Variants in MFSD12 observed in about 807,000 individuals in gnomAD.
The protein encoded by MFSD12 is major facilitator superfamily domain containing 12, also known as major facilitator superfamily domain-containing protein 12.
Under a neutral mutation model 51.2 loss-of-function variants are expected in MFSD12, and 67 were observed. That is an observed-to-expected ratio of 1.31 (90% confidence interval 1.08 to 1.60). MFSD12 has a LOEUF of 1.60. Ranked by LOEUF, MFSD12 falls within the 40% of genes most tolerant of loss-of-function variation. The pLI is 0.00. For synonymous variants in MFSD12, 441 were observed against 316.7 expected, an observed-to-expected ratio of 1.39 and a Z score of -4.17; for missense variants, 921 against 673.0, an observed-to-expected ratio of 1.37 and a Z score of -4.08.
At chr19:3,543,152 C>T (rs571440414), downstream of MFSD12, 81 of 1,513,980 alleles carry the variant, frequency 5.4e-5, no homozygotes, top group African/African-American at 9.3e-4. Flanking sequence ...GCCTCTACAT[C>T]ATCCACCCTG....
In MFSD12 at chr19:3,544,596, G is replaced by A. The variant is rs2030783365; in HGVS notation, c.*114C>T. 3 of 1,484,198 alleles carry A rather than the reference G, an allele frequency of 2.0e-6. No homozygotes were observed. The highest frequency in any genetic ancestry group is 1.4e-5 in the African/African-American group (1 of 71,366). The allele number at this position is 1,484,198 out of a possible 1,614,324, so 91.9% of individuals were successfully genotyped here. ...CCCCCGGGAGCTGGGTGAGGATGGA[G>A]GGTGGGGGTCCAGAGAAGAGTGAGG... On this transcript the variant is annotated 3_prime_UTR_variant, in exon 10 of 10. Coordinates refer to ENST00000355415, the MANE Select transcript of MFSD12 (RefSeq NM_174983.5).
intron 8 of MFSD12, among the ~76,000 whole-genome samples, chr19:3,545,407 C>T (rs1247775069): frequency 2.6e-5 from 4 of 151,070 alleles, no homozygotes. Context: ...CCCCTCCTCC[C>T]TCTACTCCAG....
chr19:3,543,451 C>A, downstream of MFSD12: 1 of 1,543,128 alleles, frequency 6.5e-7, no homozygotes, highest in South Asian at 1.2e-5. Flanking sequence ...GCTACCAACA[C>A]CGTGAGTGCA....
intron 1 of MFSD12, among the ~76,000 whole-genome samples, chr19:3,553,377 G>A (rs956905128): frequency 2.0e-5 from 3 of 151,892 alleles, no homozygotes; most frequent in African/African-American, 7.3e-5. Flanking sequence ...GGAGGCTGAG[G>A]TGGGAGGACT....
chr19:3,540,924 A>G (rs982899884), downstream of MFSD12, among the ~76,000 whole-genome samples: 3 of 147,092 alleles, frequency 2.0e-5, no homozygotes, highest in African/African-American at 7.3e-5. Context: ...TAATCCCCAC[A>G]TTTTGGGAGG....
At chr19:3,547,089 C>T (rs1214787408) in intron 6 of MFSD12, among the ~76,000 whole-genome samples, 183 bp downstream of exon 6, 2 of 152,204 alleles carry the variant, frequency 1.3e-5, no homozygotes, top group Non-Finnish European at 1.5e-5. Flanking sequence ...CCGCCCGCCT[C>T]GGCCTCCCAA....
At chr19:3,546,481 G>A (rs577499780) in intron 6 of MFSD12, 56 bp from the exon 7 acceptor site, 52 of 1,530,518 alleles carry the variant, frequency 3.4e-5, no homozygotes, top group Admixed American at 2.6e-4. Context: ...CAAGCCTGGC[G>A]CTTCAATCCG....
rs892644789 is a variant in MFSD12 at position 3,557,435 on chromosome 19, G to A, written c.-32C>T. 2 of 1,192,312 alleles carry A rather than the reference G, an allele frequency of 1.7e-6. No individual in the cohort carries two copies. Among genetic ancestry groups the A allele is most frequent in the African/African-American group, 1.6e-5 (1 of 61,740 alleles). The allele number at this position is 1,192,312 out of a possible 1,614,324, so 73.9% of individuals were successfully genotyped here. ...GCCGGGCCCGCGCCCCCCACCCCCG[G>A]GCTCCGCGGAGGGTACCCTGGCCAG... is the stretch of plus-strand genomic sequence containing the variant. On this transcript the variant is annotated 5_prime_UTR_variant, in exon 1 of 10. Transcript: ENST00000355415.
chr19:3,539,025 G>C (rs1421787670), intron 4 of MFSD12: 1 of 636,516 alleles, frequency 1.6e-6, no homozygotes, highest in African/African-American at 1.8e-5. Flanking sequence ...TAAATACTCA[G>C]AACGACTCTC....
chr19:3,556,533 GGACAGATGGGGGAGGCACTGCACAGTCA>G (rs1394667820), intron 1 of MFSD12, among the ~76,000 whole-genome samples: 31 of 151,364 alleles, frequency 2.0e-4, no homozygotes, highest in African/African-American at 6.1e-4. Flanking sequence ...CTGCACAGTT[GGACAGATGGGGGAGGCACTGCACAGTCA>G]GACAGATGGG....
intron 2 of MFSD12, among the ~76,000 whole-genome samples, chr19:3,549,002 C>T (rs1258127966): frequency 6.6e-6 from 1 of 152,166 alleles, no homozygotes; most frequent in East Asian, 1.9e-4. Flanking sequence ...CTGTGAGGAC[C>T]CTGGCTTTGG....
intron 6 of MFSD12, 118 bp downstream of exon 6, chr19:3,547,154 A>G: frequency 6.6e-6 from 6 of 902,466 alleles, no homozygotes; most frequent in Non-Finnish European, 1.1e-5. Context: ...TGGGGCTTCT[A>G]CAAGGCGGGA....
Position 3,557,398 on chromosome 19 carries a change from G to A in MFSD12, c.6C>T (p.Gly2=). Residue 2 remains glycine, a synonymous_variant, in exon 1 of 10, where the codon GGC becomes GGT. Transcript: ENST00000355415. ...CCGCTCCGGCCGCTGGGGGTCCCGGGCCCATCGCGGCGCCGGGCCCGCGCC... is the reference window on the plus strand; with the variant it reads ...CCGCTCCGGCCGCTGGGGGTCCCGGACCCATCGCGGCGCCGGGCCCGCGCC... M[G]PGPPAAGAAP... 1 of 1,250,566 alleles carries A rather than the reference G, an allele frequency of 8.0e-7. No individual in the cohort carries two copies. The highest frequency in any genetic ancestry group is 3.6e-5 in the South Asian group (1 of 27,772). The allele number at this position is 1,250,566 out of a possible 1,614,324, so 77.5% of individuals were successfully genotyped here.
chr19:3,545,025 G>C (rs759180097), intron 8 of MFSD12, 86 bp from the exon 9 acceptor site: 6 of 1,486,322 alleles, frequency 4.0e-6, no homozygotes, highest in South Asian at 3.9e-5. Context: ...CCTCACCCCC[G>C]ACAGCGGCTC....
chr19:3,544,857 C>T lies in MFSD12; in HGVS notation c.1372G>A (p.Ala458Thr), dbSNP rs1221201468. 4 of 1,612,002 alleles carry T rather than the reference C, an allele frequency of 2.5e-6. No homozygotes were observed. In the South Asian group the frequency reaches 3.3e-5, roughly 13 times the overall value. The change falls in exon 9 of 10, where the codon GCC becomes ACC. Residue 458 changes from alanine (A) to threonine (T), a missense_variant. Physicochemically the swap from Ala to Thr is moderately conservative, Grantham distance 58 (BLOSUM62 0). Transcript: ENST00000355415. ...AVTGGVGVAA[A>T]LCLCSLLLWP... ...AGCAGGAGGCTACAGAGACACAGGG[C>T]AGCGGCCACGCCCACGCCGCCCGTC... is the stretch of plus-strand genomic sequence containing the variant.
chr19:3,543,997 C>G (rs1432346293), downstream of MFSD12: 6 of 1,542,270 alleles, frequency 3.9e-6, no homozygotes, highest in African/African-American at 6.9e-5. Flanking sequence ...TCCCTCACAC[C>G]CACTCCCCGA....
chr19:3,546,372 C>G lies in MFSD12; in HGVS notation c.1077G>C (p.Ala359=), dbSNP rs765055169. 5 of 1,607,946 alleles carry G rather than the reference C, an allele frequency of 3.1e-6. No homozygotes were observed. The highest frequency in any genetic ancestry group is 2.7e-5 in the African/African-American group (2 of 74,890). ...CGGCCACACCCAGTCCCTCCGCCAGCGCCACCCAGGCGGCAAAGGCCAGGA... is the reference window on the plus strand; with the variant it reads ...CGGCCACACCCAGTCCCTCCGCCAGGGCCACCCAGGCGGCAAAGGCCAGGA... ...LVILAFAAWV[A]LAEGLGVAVY... Residue 359 remains alanine (A), a synonymous_variant, in exon 7 of 10, where the codon GCG becomes GCC. Transcript: ENST00000355415.
At chr19:3,539,231 C>T (rs764017711), downstream of MFSD12, 12 of 1,550,690 alleles carry the variant, frequency 7.7e-6, no homozygotes, top group East Asian at 4.9e-5. Context: ...CGGGGACCCT[C>T]GAGGCCAGCT....
exon 5 of MFSD12, chr19:3,538,509 G>A (rs1044346661): frequency 1.1e-5 from 4 of 367,784 alleles, no homozygotes; most frequent in South Asian, 2.0e-5. Context: ...GGTCTGTCCT[G>A]GACATTTCAT....
Sources: gnomAD v4.1 joint callset for allele counts (sites outside exome capture counted in the v4.1 genomes callset) on GRCh38, gnomAD v4.1.1 for gene constraint, MANE v1.5 for transcripts, NCBI Gene and HGNC (gene_info 2026-07-23, HGNC 2026-07-21) for gene names.